Variants in FANCD2 observed in about 807,000 individuals in gnomAD.
The protein encoded by FANCD2 is FA complementation group D2, also known as Fanconi anemia group D2 protein.
FANCD2 carries 131 observed loss-of-function variants against 192.3 expected under a neutral mutation model. The observed-to-expected ratio is 0.68, with a 90% CI of 0.59 to 0.79. The LOEUF is 0.79. Among genes scored for constraint, FANCD2 ranks in the 30% least tolerant of loss-of-function variants. The pLI is 0.00. For synonymous variants in FANCD2, 524 were observed against 612.5 expected (o/e 0.86, Z 2.13); for missense variants, 1,508 against 1,701.6 (o/e 0.89, Z 2.00).
chr3:10,072,676 A>G (rs142881695), intron 26 of FANCD2, among the ~76,000 whole-genome samples, 195 bp from the exon 27 acceptor site: 13 of 152,374 alleles, frequency 8.5e-5, no homozygotes, highest in African/African-American at 2.9e-4. Context: ...CATACTTAAT[A>G]TGATATTTCT....
At chr3:10,065,155 GGCAT>G (rs2087683078) in intron 23 of FANCD2, among the ~76,000 whole-genome samples, 1 of 152,142 alleles carries the variant, frequency 6.6e-6, no homozygotes, top group African/African-American at 2.4e-5. Flanking sequence ...CGGGCAGTGT[GGCAT>G]GCACCTATAA....
At chr3:10,033,698 C>CTTTTTTTTTTTTTTTT in intron 3 of FANCD2, among the ~76,000 whole-genome samples, 1 of 89,378 alleles carries the variant, frequency 1.1e-5, no homozygotes, top group Non-Finnish European at 2.0e-5. Flanking sequence ...AAAGCTAAGT[C>CTTTTTTTTTTTTTTTT]TTTTTTTTTT....
intron 38 of FANCD2, among the ~76,000 whole-genome samples, 164 bp downstream of exon 38, chr3:10,092,416 C>G (rs35771188): frequency 1.9e-3 from 286 of 149,022 alleles, no homozygotes; most frequent in African/African-American, 7.0e-3. Context: ...TGGATAACCC[C>G]TTTTCTCACT....
rs2086729732 is a variant in FANCD2 at position 10,036,278 on chromosome 3, CT to C, written c.439-3del. ...ATCATCTCCTAACTCCCTATGTCTT[CT>C]TTTTTAGCCTGCCATTATCAAAACC... On this transcript the variant is annotated splice_region_variant and splice_polypyrimidine_tract_variant and intron_variant, in intron 6 of 43. Transcript: ENST00000675286. 6.2e-7 allele frequency: 1 copy of C among 1,608,786 alleles called. No homozygotes were observed. Among genetic ancestry groups the C allele is most frequent in the Non-Finnish European group, 8.5e-7 (1 of 1,175,778 alleles).
intron 39 of FANCD2, among the ~76,000 whole-genome samples, chr3:10,093,870 C>T (rs1238812132): frequency 1.3e-5 from 2 of 152,212 alleles, no homozygotes; most frequent in Non-Finnish European, 2.9e-5. Flanking sequence ...TTACTCCACC[C>T]TTGCGCAATG....
At position 10,068,902 on chromosome 3, in the gene FANCD2, C is replaced by G. The variant is rs572528871; in HGVS notation, c.2494+1585C>G. 5.9e-5 allele frequency among the ~76,000 whole-genome samples: 9 copies of G among 152,324 alleles called. No individual in the cohort carries two copies. The South Asian group carries it at 1.0e-3, about 18-fold the overall frequency. Reference sequence around the variant, plus strand: ...AGAATATACATTGGGGAAAGACACTCTCTTCAATAAATGGTGTTGGGAAAA... The same window carrying G: ...AGAATATACATTGGGGAAAGACACTGTCTTCAATAAATGGTGTTGGGAAAA... On this transcript the variant is annotated intron_variant, in intron 26 of 43. Coordinates refer to ENST00000675286, the MANE Select transcript of FANCD2 (RefSeq NM_001018115.3).
intron 17 of FANCD2, among the ~76,000 whole-genome samples, chr3:10,051,379 T>A (rs2087202348): frequency 4.7e-5 from 2 of 42,940 alleles, no homozygotes; most frequent in Admixed American, 4.6e-4. Flanking sequence ...AGACTCCGTC[T>A]CAAAAAAAAA....
Position 10,055,020 on chromosome 3 carries a change from T to G in FANCD2, c.1656+2523T>G, listed in dbSNP as rs1410183347. On this transcript the variant is annotated intron_variant, in intron 18 of 43. Transcript: ENST00000675286. ...AAGCTTCTGAGATGTTCTGAGAATT[T>G]ACAAATTTGTGTTTACCTGTAGTTT... is the stretch of plus-strand genomic sequence containing the variant. 3.3e-5 allele frequency among the ~76,000 whole-genome samples: 5 copies of G among 152,354 alleles called. No individual in the cohort carries two copies. The East Asian group carries it at 7.7e-4, about 23-fold the overall frequency.
intron 7 of FANCD2, among the ~76,000 whole-genome samples, chr3:10,039,003 G>T (rs1256175740): frequency 6.6e-6 from 1 of 152,098 alleles, no homozygotes; most frequent in African/African-American, 2.4e-5. Flanking sequence ...ATTATTAAGA[G>T]ATGCTGTCTA....
chr3:10,052,197 A>T (rs1229561301), intron 17 of FANCD2, among the ~76,000 whole-genome samples, 190 bp from the exon 18 acceptor site: 1 of 152,172 alleles, frequency 6.6e-6, no homozygotes, highest in African/African-American at 2.4e-5. Flanking sequence ...CCCAGTTTAT[A>T]TCCAGTCTAT....
At chr3:10,032,489 T>TG (rs34561577) in intron 2 of FANCD2, 1,638 of 112,036 alleles carry the variant, frequency 0.015, 24 homozygotes, top group East Asian at 0.049. Context: ...GGGGGGGAGA[T>TG]GGGGGGGTGG....
At chr3:10,060,466 C>T in intron 19 of FANCD2, 63 bp downstream of exon 19, 1 of 1,201,488 alleles carries the variant, frequency 8.3e-7, no homozygotes, top group East Asian at 2.3e-5. Flanking sequence ...CTAAGTGTTA[C>T]ATCTCATAGA....
chr3:10,055,413 C>T (rs551885235), intron 18 of FANCD2, among the ~76,000 whole-genome samples: 10 of 152,218 alleles, frequency 6.6e-5, no homozygotes, highest in East Asian at 3.9e-4. Context: ...TGGAATCATA[C>T]GATATGTATC....
chr3:10,067,240 C>T lies in FANCD2; in HGVS notation c.2417C>T (p.Pro806Leu), dbSNP rs34964213. Residue 806 changes from proline to leucine, a missense_variant, in exon 26 of 44, where the codon CCT becomes CTT. By Grantham distance (98) the Pro-to-Leu change is moderately conservative. Around this residue, in one of 5 missense-constraint regions of FANCD2, gnomAD observed 796 missense variants for 879.4 expected, o/e 0.91. Coordinates refer to ENST00000675286, the MANE Select transcript of FANCD2 (RefSeq NM_001018115.3). ...AATGCCTTCTGCCAGGAAACATCACCTGAGATGAAGGGGAAGGTGCTCACT... is the reference window on the plus strand; with the variant it reads ...AATGCCTTCTGCCAGGAAACATCACTTGAGATGAAGGGGAAGGTGCTCACT... ...IVNAFCQETS[P>L]EMKGKVLTRL... The T allele has an allele frequency of 1.2e-6, 2 of 1,613,462 alleles. No individual in the cohort carries two copies. Among genetic ancestry groups the T allele is most frequent in the Middle Eastern group, 1.7e-4 (1 of 6,060 alleles).
chr3:10,049,048 T>C (rs1457229111), intron 16 of FANCD2, among the ~76,000 whole-genome samples: 8 of 151,922 alleles, frequency 5.3e-5, no homozygotes, highest in African/African-American at 9.7e-5. Flanking sequence ...TCAACTGATC[T>C]TGTACAACCT....
intron 42 of FANCD2, among the ~76,000 whole-genome samples, chr3:10,097,542 G>A (rs1012297925): frequency 2.6e-5 from 4 of 152,160 alleles, no homozygotes; most frequent in African/African-American, 4.8e-5. Context: ...CCGGCTCACC[G>A]GCGGTCAGAG....
intron 9 of FANCD2, chr3:10,041,238 G>T: frequency 4.1e-6 from 1 of 243,402 alleles, no homozygotes; most frequent in Non-Finnish European, 8.0e-6. Flanking sequence ...ATCTATCACT[G>T]TCCTTCTCAC....
intron 9 of FANCD2, 50 bp downstream of exon 9, chr3:10,039,895 C>T: frequency 6.2e-7 from 1 of 1,610,808 alleles, no homozygotes; most frequent in Non-Finnish European, 8.5e-7. Context: ...TATGGGGGTT[C>T]TATCACTGCA....
chr3:10,030,964 A>G (rs2086577732), intron 2 of FANCD2, among the ~76,000 whole-genome samples: 1 of 152,126 alleles, frequency 6.6e-6, no homozygotes, highest in African/African-American at 2.4e-5. Flanking sequence ...GAATTAGAAT[A>G]TAGAGAAATT....
Sources: gnomAD v4.1 joint callset for allele counts (sites outside exome capture counted in the v4.1 genomes callset) on GRCh38, gnomAD v4.1.1 for gene constraint, gnomAD v4.1.1 regional missense constraint, MANE v1.5 for transcripts, NCBI Gene and HGNC (gene_info 2026-07-23, HGNC 2026-07-21) for gene names.